The following RBM27 variants were observed in gnomAD, a reference collection of about 807,000 sequenced individuals.
RBM27 encodes the protein RNA-binding protein 27.
In RBM27, 22 loss-of-function variants were observed where a neutral mutation model predicts 135.3. The ratio of observed to expected loss-of-function variants is 0.16; its 90% confidence interval spans 0.12 to 0.23. The LOEUF (loss-of-function observed/expected upper bound fraction) is 0.23, where lower values mean the gene tolerates loss of function less well. Among genes scored for constraint, RBM27 ranks in the 10% least tolerant of loss-of-function variants. The probability of loss-of-function intolerance (pLI) is 1.00; values close to 1 mark genes in which losing one functional copy is unlikely to be tolerated. For missense variants in RBM27, 1,009 were observed against 1,281.0 expected (o/e 0.79, Z 3.24); for synonymous variants, 481 against 442.4 (o/e 1.09, Z -1.10).
At chr5:146,205,839 T>G (rs533722310) in intron 1 of RBM27, among the ~76,000 whole-genome samples, 4 of 151,992 alleles carry the variant, frequency 2.6e-5, no homozygotes, top group Non-Finnish European at 5.9e-5. Flanking sequence ...GCCAATATGG[T>G]GAAACCCCGT....
At chr5:146,211,539 T>C (rs547950015) in intron 1 of RBM27, among the ~76,000 whole-genome samples, 87 of 132,912 alleles carry the variant, frequency 6.5e-4, no homozygotes, top group Admixed American at 1.3e-3. Flanking sequence ...TGGAGTGCAA[T>C]GGCATGATCT....
At chr5:146,279,987 A>G (rs1444614365) in intron 19 of RBM27, among the ~76,000 whole-genome samples, 1 of 152,086 alleles carries the variant, frequency 6.6e-6, no homozygotes, top group Non-Finnish European at 1.5e-5. Context: ...TGATCGTATT[A>G]TACATACAGG....
intron 20 of RBM27, among the ~76,000 whole-genome samples, chr5:146,285,078 A>G (rs935278984): frequency 6.6e-5 from 10 of 152,182 alleles, no homozygotes; most frequent in African/African-American, 2.2e-4. Context: ...TTCAAGTTCC[A>G]TAGTAATAGA....
chr5:146,224,870 C>T (rs570638060), intron 3 of RBM27, among the ~76,000 whole-genome samples: 2 of 152,156 alleles, frequency 1.3e-5, no homozygotes, highest in Admixed American at 6.5e-5. Context: ...AAATTTGCCC[C>T]ATCTGCTCTC....
At chr5:146,205,587 G>GGT (rs1561517864) in intron 1 of RBM27, among the ~76,000 whole-genome samples, 1 of 151,886 alleles carries the variant, frequency 6.6e-6, no homozygotes, top group East Asian at 1.9e-4. Context: ...TTGAATAGGG[G>GGT]TTTTTTTAAC....
intron 8 of RBM27, among the ~76,000 whole-genome samples, chr5:146,250,501 T>C (rs897219247): frequency 2.0e-5 from 3 of 151,494 alleles, no homozygotes; most frequent in African/African-American, 4.9e-5. Flanking sequence ...GTTGGACATA[T>C]ATAATAACTA....
intron 2 of RBM27, among the ~76,000 whole-genome samples, 183 bp downstream of exon 2, chr5:146,219,286 C>T (rs988151589): frequency 6.6e-6 from 1 of 152,108 alleles, no homozygotes; most frequent in Admixed American, 6.5e-5. Context: ...TTTTCCCTTT[C>T]CTTCTTTGCT....
At chr5:146,235,927 G>T (rs771165490) in intron 7 of RBM27, among the ~76,000 whole-genome samples, 4 of 152,142 alleles carry the variant, frequency 2.6e-5, no homozygotes, top group Admixed American at 6.5e-5. Context: ...CTGGGCTCAA[G>T]CAGTTTGCTT....
intron 19 of RBM27, among the ~76,000 whole-genome samples, chr5:146,273,298 A>G (rs1581235344): frequency 1.3e-5 from 2 of 152,338 alleles, no homozygotes; most frequent in South Asian, 4.1e-4. Context: ...CCATGCTCAA[A>G]TGGATCTCCT....
intron 19 of RBM27, among the ~76,000 whole-genome samples, chr5:146,284,155 G>A (rs1419166895): frequency 3.3e-5 from 5 of 152,144 alleles, no homozygotes; most frequent in South Asian, 2.1e-4. Flanking sequence ...AGTGTATAGC[G>A]TTTCAGAAGT....
In RBM27 at chr5:146,212,676, C is replaced by T. The variant is rs185954672; in HGVS notation, c.60-6309C>T. Among the ~76,000 whole-genome samples, 53 of 151,900 alleles carry T rather than the reference C, an allele frequency of 3.5e-4. 1 individual carries two copies. The highest frequency in any genetic ancestry group is 1.3e-3 in the Admixed American group (20 of 15,230). On this transcript the variant is annotated intron_variant, in intron 1 of 20. Coordinates refer to ENST00000265271, the MANE Select transcript of RBM27 (RefSeq NM_018989.2). ...GCCATAACCATAATTTTTTAAAAAA[C>T]ATTTGTTTATTGTATTATATTGTAT...
chr5:146,248,208 G>A (rs1003861325), intron 8 of RBM27, among the ~76,000 whole-genome samples: 2 of 149,174 alleles, frequency 1.3e-5, no homozygotes, highest in African/African-American at 4.9e-5. Context: ...TAATCAATAG[G>A]AGCCTCTTCA....
chr5:146,267,738 T>G lies in RBM27; in HGVS notation c.2421T>G (p.His807Gln). ...AGCTCTGTTCAGGGTCTAAATCTCA[T>G]GATGTTCAAGAAGTGCTTAAAAAAA... ...PSKLCSGSKS[H>Q]DVQEVLKKKQ... The change falls in exon 15 of 21, where the codon CAT (histidine) becomes CAG (glutamine). Residue 807 changes from histidine (H) to glutamine (Q), a missense_variant. Coordinates refer to ENST00000265271, the MANE Select transcript of RBM27 (RefSeq NM_018989.2). The G allele has an allele frequency of 4.3e-6, 7 of 1,609,272 alleles. No homozygotes were observed. The highest frequency in any genetic ancestry group is 5.9e-6 in the Non-Finnish European group (7 of 1,178,234).
At chr5:146,205,839 T>C (rs533722310) in intron 1 of RBM27, among the ~76,000 whole-genome samples, 1 of 152,110 alleles carries the variant, frequency 6.6e-6, no homozygotes, top group East Asian at 1.9e-4. Context: ...GCCAATATGG[T>C]GAAACCCCGT....
At chr5:146,220,394 G>C (rs1241250636) in intron 2 of RBM27, among the ~76,000 whole-genome samples, 1 of 150,288 alleles carries the variant, frequency 6.7e-6, no homozygotes, top group East Asian at 2.0e-4. Context: ...AGAATTTCTT[G>C]AACCCAGGAG....
At chr5:146,240,084 C>T (rs1757338466) in intron 8 of RBM27, among the ~76,000 whole-genome samples, 1 of 152,090 alleles carries the variant, frequency 6.6e-6, no homozygotes, top group Non-Finnish European at 1.5e-5. Flanking sequence ...GCCTTTAACT[C>T]TTTCAATAGT....
At chr5:146,280,517 A>G (rs764109857) in intron 19 of RBM27, among the ~76,000 whole-genome samples, 12 of 152,000 alleles carry the variant, frequency 7.9e-5, no homozygotes, top group South Asian at 4.2e-4. Flanking sequence ...CAATACCCCA[A>G]TCTCCCTTGT....
chr5:146,221,534 A>T (rs1280491816), intron 2 of RBM27, among the ~76,000 whole-genome samples: 1 of 152,188 alleles, frequency 6.6e-6, no homozygotes, highest in Non-Finnish European at 1.5e-5. Context: ...GCTGGGCTCA[A>T]GCAATTCTCC....
At chr5:146,255,216 T>C in intron 10 of RBM27, 124 bp downstream of exon 10, 1 of 768,174 alleles carries the variant, frequency 1.3e-6, no homozygotes, top group Non-Finnish European at 2.0e-6. Context: ...TATTATCTCT[T>C]TGGAGGGTGC....
Sources: allele counts gnomAD v4.1 joint callset (sites outside exome capture counted in the v4.1 genomes callset), GRCh38; gene constraint gnomAD v4.1.1; transcripts MANE v1.5; gene names NCBI Gene and HGNC (gene_info 2026-07-23, HGNC 2026-07-21).